Variants in ABCB7 observed in about 807,000 individuals in gnomAD.
ABCB7 encodes iron-sulfur clusters transporter ABCB7, mitochondrial.
In ABCB7, 7 loss-of-function variants were observed where a neutral mutation model predicts 54.4. That is an observed-to-expected ratio of 0.13 (90% CI 0.07 to 0.24). The LOEUF is 0.24. Ranked by LOEUF, ABCB7 falls within the 10% of genes least tolerant of loss-of-function variation. The pLI is 1.00. For missense variants in ABCB7, 356 were observed against 570.4 expected (o/e 0.62, Z 3.83); for synonymous variants, 218 against 207.1 (o/e 1.05, Z -0.45).
At chrX:75,126,374 G>A (rs2081927914) in intron 1 of ABCB7, among the ~76,000 whole-genome samples, 1 of 111,657 alleles carries the variant, frequency 9.0e-6, no homozygotes, top group Non-Finnish European at 1.9e-5. Context: ...ATGACACAAC[G>A]TACCAGAATT....
At chrX:75,069,905 G>A (rs1344618969) in intron 10 of ABCB7, among the ~76,000 whole-genome samples, 4 of 110,277 alleles carry the variant, frequency 3.6e-5, no homozygotes, top group African/African-American at 9.9e-5. Flanking sequence ...GACGGAGTTC[G>A]CCCTTGTTGC....
At chrX:75,090,107 C>T (rs1381728211) in intron 4 of ABCB7, among the ~76,000 whole-genome samples, 1 of 109,850 alleles carries the variant, frequency 9.1e-6, no homozygotes, top group East Asian at 2.9e-4. Flanking sequence ...ATGCATGAGG[C>T]AAAAACTGAT....
intron 1 of ABCB7, among the ~76,000 whole-genome samples, chrX:75,136,462 A>G (rs997123540): frequency 4.4e-4 from 49 of 111,494 alleles, no homozygotes; most frequent in African/African-American, 1.6e-3. Context: ...CAAACTACCA[A>G]CGTTTTTCAA....
chrX:75,127,402 C>T (rs367548128), intron 1 of ABCB7, among the ~76,000 whole-genome samples: 3 of 111,632 alleles, frequency 2.7e-5, no homozygotes, highest in Admixed American at 1.9e-4. Flanking sequence ...ATTGATGGAA[C>T]GCATCTCAAA....
chrX:75,129,326 C>G (rs2081957952), intron 1 of ABCB7, among the ~76,000 whole-genome samples: 1 of 110,690 alleles, frequency 9.0e-6, no homozygotes, highest in Non-Finnish European at 1.9e-5. Context: ...AACCATCATT[C>G]TCAGCAAACT....
intron 4 of ABCB7, among the ~76,000 whole-genome samples, chrX:75,092,798 A>T (rs2081555733): frequency 8.9e-6 from 1 of 112,090 alleles, no homozygotes; most frequent in Admixed American, 9.4e-5. Flanking sequence ...TGACAAAAAA[A>T]GCATATGAAA....
chrX:75,069,130 G>A lies in ABCB7; in HGVS notation c.1536C>T (p.Ser512=), dbSNP rs2147461632. 1.7e-6 allele frequency: 2 copies of A among 1,210,266 alleles called. No individual in the cohort carries two copies. Among genetic ancestry groups the A allele is most frequent in the East Asian group, 5.9e-5 (2 of 33,810 alleles). The change falls in exon 12 of 16, where the codon AGC becomes AGT. Residue 512 remains serine, a synonymous_variant. Transcript: ENST00000373394. ...AIVGGSGSGK[S]TIVRLLFRFY... ...AGCGAAATAATAGCCTCACTATTGTGCTTTTCCTGAAATTGGAGATGAAGA... is the reference window on the plus strand; with the variant it reads ...AGCGAAATAATAGCCTCACTATTGTACTTTTCCTGAAATTGGAGATGAAGA...
chrX:75,115,124 T>C (rs1386076043), intron 1 of ABCB7, among the ~76,000 whole-genome samples: 54 of 107,549 alleles, frequency 5.0e-4, no homozygotes, highest in African/African-American at 1.8e-3. Flanking sequence ...AAAAATTAGC[T>C]GGGCGTGGTG....
intron 1 of ABCB7, among the ~76,000 whole-genome samples, chrX:75,120,408 T>C (rs1463298957): frequency 6.4e-5 from 7 of 109,895 alleles, no homozygotes; most frequent in African/African-American, 2.4e-4. Flanking sequence ...GTCAGGAGTT[T>C]GAGACCAGCC....
chrX:75,098,919 C>T, intron 4 of ABCB7, 23 bp downstream of exon 4: 1 of 1,210,565 alleles, frequency 8.3e-7, no homozygotes, highest in Admixed American at 2.2e-5. Context: ...GTTAGAGCAA[C>T]CAAACAATGC....
intron 1 of ABCB7, among the ~76,000 whole-genome samples, chrX:75,135,764 T>A (rs1362839706): frequency 1.8e-5 from 2 of 111,585 alleles, no homozygotes; most frequent in Non-Finnish European, 3.8e-5. Flanking sequence ...AAAAGAATTT[T>A]GACAGAGTTC....
At chrX:75,086,004 G>A (rs1013924974) in intron 4 of ABCB7, among the ~76,000 whole-genome samples, 5 of 108,966 alleles carry the variant, frequency 4.6e-5, no homozygotes, top group African/African-American at 1.0e-4. Flanking sequence ...GAACCACCAC[G>A]CCCAGCTAAT....
intron 6 of ABCB7, among the ~76,000 whole-genome samples, chrX:75,075,095 A>C (rs2081396840): frequency 8.9e-6 from 1 of 111,912 alleles, no homozygotes; most frequent in Admixed American, 9.5e-5. Flanking sequence ...ATATACAAAA[A>C]TCTCTGCTTT....
chrX:75,062,673 T>C, intron 13 of ABCB7: 1 of 368,038 alleles, frequency 2.7e-6, no homozygotes, highest in East Asian at 4.6e-5. Flanking sequence ...AGAATGAGAA[T>C]GAGGCAGTAA....
At chrX:75,096,036 TA>T (rs1451054297) in intron 4 of ABCB7, among the ~76,000 whole-genome samples, 1 of 111,921 alleles carries the variant, frequency 8.9e-6, no homozygotes, top group Non-Finnish European at 1.9e-5. Flanking sequence ...TCTCTTCAAT[TA>T]AAAAGAAAGT....
At chrX:75,113,540 G>A (rs759509649) in intron 2 of ABCB7, among the ~76,000 whole-genome samples, 26 of 111,368 alleles carry the variant, frequency 2.3e-4, no homozygotes, top group Admixed American at 2.9e-4. Flanking sequence ...CTTATTACAC[G>A]ATAAATTTCT....
At chrX:75,075,804 CT>C (rs1020288450) in intron 5 of ABCB7, among the ~76,000 whole-genome samples, 174 bp from the exon 6 acceptor site, 2 of 111,810 alleles carry the variant, frequency 1.8e-5, no homozygotes, top group African/African-American at 3.2e-5. Context: ...TGAGTATTAA[CT>C]TTTCCACCAC....
At chrX:75,155,726 ACAGATAAACT>A (rs1383589284) in intron 1 of ABCB7, among the ~76,000 whole-genome samples, 1 of 111,664 alleles carries the variant, frequency 9.0e-6, no homozygotes, top group African/African-American at 3.3e-5. Context: ...AATCTGAACC[ACAGATAAACT>A]GTCCCAAATT....
chrX:75,112,907 G>T lies in ABCB7; in HGVS notation c.312C>A (p.Leu104=), dbSNP rs140031135. ...TTACCCCTTCTTTTGGGTCTGTGTG[G>T]AGTCCTCCTCCTGCATGACCATGCC... ...TCWHGHAGGG[L]HTDPKEGLKD... The change falls in exon 3 of 16, where the codon CTC becomes CTA. Residue 104 remains leucine, a synonymous_variant. Transcript: ENST00000373394. 1.7e-6 allele frequency: 2 copies of T among 1,207,728 alleles called. No individual in the cohort carries two copies. The highest frequency in any genetic ancestry group is 2.2e-5 in the Admixed American group (1 of 45,565).
Sources: gnomAD v4.1 joint callset for allele counts (sites outside exome capture counted in the v4.1 genomes callset) on GRCh38, gnomAD v4.1.1 for gene constraint, MANE v1.5 for transcripts, NCBI Gene and HGNC (gene_info 2026-07-23, HGNC 2026-07-21) for gene names.